ANKH: variants seen among roughly 807,000 people sequenced by gnomAD.
The protein encoded by ANKH is ANKH inorganic pyrophosphate transport regulator.
A neutral mutation model predicts 49.0 loss-of-function variants in ANKH; 15 were observed. That is an observed-to-expected ratio of 0.31 (90% CI 0.20 to 0.47). ANKH has a LOEUF of 0.47. ANKH is among the 20% of genes least tolerant of loss of function. The pLI is 1.00. For synonymous variants in ANKH, 273 were observed against 260.0 expected (o/e 1.05, Z -0.48); for missense variants, 429 against 652.0 (o/e 0.66, Z 3.72).
intron 1 of ANKH, among the ~76,000 whole-genome samples, chr5:14,821,097 T>TTA (rs1741185611): frequency 1.4e-5 from 2 of 146,914 alleles, no homozygotes; most frequent in African/African-American, 2.5e-5. Flanking sequence ...GACCCTGTCT[T>TTA]AAAAAAAAAA....
chr5:14,780,679 T>C (rs1306299989), intron 1 of ANKH, among the ~76,000 whole-genome samples: 1 of 152,248 alleles, frequency 6.6e-6, no homozygotes, highest in South Asian at 2.1e-4. Flanking sequence ...ATGCTGAAAG[T>C]TGCATTTTTG....
Position 14,712,914 on chromosome 5 carries a change from G to C in ANKH, c.1325C>G (p.Thr442Ser), listed in dbSNP as rs1263536461. The C allele has an allele frequency of 6.2e-7, 1 of 1,613,300 alleles. No individual in the cohort carries two copies. Among genetic ancestry groups the C allele is most frequent in the Non-Finnish European group, 8.5e-7 (1 of 1,179,872 alleles). Residue 442 changes from threonine to serine, a missense_variant, in exon 11 of 12, where the codon ACC becomes AGC. Coordinates refer to ENST00000284268, the MANE Select transcript of ANKH (RefSeq NM_054027.6). ...ATAGCACGCAGCGATGGCGACCATG[G>C]TGGATTCTCCCACAAAGCCCGCCAG... ...SLLAGFVGESTMVAIAACYVY... is the reference protein window; with the variant it reads ...SLLAGFVGESSMVAIAACYVY...
chr5:14,861,993 T>C (rs1735508512), intron 1 of ANKH, among the ~76,000 whole-genome samples: 1 of 152,208 alleles, frequency 6.6e-6, no homozygotes, highest in African/African-American at 2.4e-5. Flanking sequence ...CCCAGCACTT[T>C]GGGAGGCCAA....
At chr5:14,857,977 T>A (rs1735330903) in intron 1 of ANKH, among the ~76,000 whole-genome samples, 1 of 152,174 alleles carries the variant, frequency 6.6e-6, no homozygotes, top group African/African-American at 2.4e-5. Context: ...AATAATCAGA[T>A]GTGTACAAAG....
At chr5:14,726,800 A>T (rs542022948) in intron 8 of ANKH, among the ~76,000 whole-genome samples, 2 of 152,380 alleles carry the variant, frequency 1.3e-5, no homozygotes, top group South Asian at 2.1e-4. Context: ...AATATGTGAA[A>T]GTAGCAAATG....
chr5:14,788,235 T>C (rs31931), intron 1 of ANKH: 69,827 of 152,110 alleles, frequency 0.46, 16,312 homozygotes, highest in East Asian at 0.73. Flanking sequence ...TCTTGTCTTC[T>C]GCCCATCCTC....
intron 1 of ANKH, among the ~76,000 whole-genome samples, chr5:14,824,326 A>G (rs574042084): frequency 6.6e-6 from 1 of 152,202 alleles, no homozygotes; most frequent in Non-Finnish European, 1.5e-5. Context: ...TGAAAATAAA[A>G]ACCAAAACTG....
chr5:14,869,289 C>G (rs1398165409), intron 1 of ANKH: 1 of 152,234 alleles, frequency 6.6e-6, no homozygotes, highest in Non-Finnish European at 1.5e-5. Context: ...CTCACTCTCT[C>G]TCACCCTGCA....
chr5:14,850,564 C>T (rs183924068), intron 1 of ANKH, among the ~76,000 whole-genome samples: 1 of 152,256 alleles, frequency 6.6e-6, no homozygotes, highest in Non-Finnish European at 1.5e-5. Flanking sequence ...CCTCAGCCCC[C>T]CTCCGGGGTT....
rs567394183 is a variant in ANKH at position 14,799,229 on chromosome 5, G to T, written c.97-30038C>A. Among the ~76,000 whole-genome samples the T allele has an allele frequency of 4.6e-5, 7 of 152,318 alleles. No homozygotes were observed. The East Asian group carries it at 1.2e-3, about 25-fold the overall frequency. On this transcript the variant is annotated intron_variant, in intron 1 of 11. Coordinates refer to ENST00000284268, the MANE Select transcript of ANKH (RefSeq NM_054027.6). ...GAGGTAAGGAAGTTGCAGAAGAAAAGCTGGAAGCTAACAGAGGTTGGTTCA... is the reference window on the plus strand; with the variant it reads ...GAGGTAAGGAAGTTGCAGAAGAAAATCTGGAAGCTAACAGAGGTTGGTTCA...
chr5:14,733,025 G>A (rs976993793), intron 8 of ANKH, among the ~76,000 whole-genome samples: 1 of 152,106 alleles, frequency 6.6e-6, no homozygotes, highest in Non-Finnish European at 1.5e-5. Flanking sequence ...AGAGATCAGT[G>A]GTGTCAGCTC....
In ANKH at chr5:14,713,403, G is replaced by T; in HGVS notation, c.1265+141C>A. 8.0e-7 allele frequency: 1 copy of T among 1,254,580 alleles called. No homozygotes were observed. The highest frequency in any genetic ancestry group is 1.3e-5 in the South Asian group (1 of 77,090). The allele number at this position is 1,254,580 out of a possible 1,614,324, so 77.7% of individuals were successfully genotyped here. A position where few individuals can be genotyped will look rare whatever the true frequency, so the allele number is the denominator to read the frequency against. Reference sequence around the variant, plus strand: ...CCCAAGAGCCTCCACCTGGTGCCTGGGCAGACACACAAAACATCATTCTGA... The same window carrying T: ...CCCAAGAGCCTCCACCTGGTGCCTGTGCAGACACACAAAACATCATTCTGA... On this transcript the variant is annotated intron_variant, in intron 10 of 11. Coordinates refer to ENST00000284268, the MANE Select transcript of ANKH (RefSeq NM_054027.6). The surrounding 1 kb of genome is among the most constrained non-coding windows in gnomAD (Gnocchi z 4.4).
chr5:14,847,062 A>C (rs2126616519), intron 1 of ANKH, among the ~76,000 whole-genome samples: 1 of 151,928 alleles, frequency 6.6e-6, no homozygotes, highest in Non-Finnish European at 1.5e-5. Context: ...TGACCATCTT[A>C]CAGGTTGCCT....
At chr5:14,771,362 G>T (rs1739423641) in intron 1 of ANKH, among the ~76,000 whole-genome samples, 1 of 152,162 alleles carries the variant, frequency 6.6e-6, no homozygotes, top group South Asian at 2.1e-4. Context: ...CACCTGATAA[G>T]AATAACAACT....
intron 7 of ANKH, 145 bp from the exon 8 acceptor site, chr5:14,742,067 A>C (rs1010570586): frequency 2.9e-6 from 2 of 696,602 alleles, no homozygotes; most frequent in East Asian, 5.4e-5. Flanking sequence ...GGCGGCTGTC[A>C]TGTTGAGTGT....
At chr5:14,865,885 T>C (rs1735629970) in intron 1 of ANKH, among the ~76,000 whole-genome samples, 1 of 152,184 alleles carries the variant, frequency 6.6e-6, no homozygotes, top group Non-Finnish European at 1.5e-5. Flanking sequence ...GGGCTGAAGA[T>C]ATATGAACAC....
chr5:14,820,560 A>C (rs1300876142), intron 1 of ANKH, among the ~76,000 whole-genome samples: 2 of 152,234 alleles, frequency 1.3e-5, no homozygotes, highest in Non-Finnish European at 2.9e-5. Flanking sequence ...CTCACCTAAC[A>C]GGATTCTTGC....
chr5:14,740,891 G>A (rs1444105801), intron 8 of ANKH, among the ~76,000 whole-genome samples: 1 of 152,108 alleles, frequency 6.6e-6, no homozygotes, highest in Non-Finnish European at 1.5e-5. Flanking sequence ...CACACATCTC[G>A]ACATTTCTGC....
At chr5:14,869,108 G>A in intron 1 of ANKH, 1 of 152,298 alleles carries the variant, frequency 6.6e-6, no homozygotes, top group Non-Finnish European at 1.5e-5. Flanking sequence ...CATATTTTCA[G>A]CTAACGTAGA....
Sources: gnomAD v4.1 joint callset for allele counts (sites outside exome capture counted in the v4.1 genomes callset) on GRCh38, gnomAD v4.1.1 for gene constraint, Gnocchi (gnomAD v3.1) non-coding constraint, MANE v1.5 for transcripts, NCBI Gene and HGNC (gene_info 2026-07-23, HGNC 2026-07-21) for gene names.